Variants in RBFOX2 observed in about 807,000 individuals in gnomAD.
The protein encoded by RBFOX2 is RNA binding protein fox-1 homolog 2.
In RBFOX2, 10 loss-of-function variants were observed where a neutral mutation model predicts 49.1. That is an observed-to-expected ratio of 0.20 (90% CI 0.13 to 0.35). RBFOX2 has a LOEUF of 0.35. RBFOX2 is among the 10% of genes least tolerant of loss of function. RBFOX2 has a pLI of 1.00. For missense variants in RBFOX2, 323 were observed against 486.9 expected (o/e 0.66, Z 3.17); for synonymous variants, 183 against 187.4 (o/e 0.98, Z 0.19).
intron 1 of RBFOX2, among the ~76,000 whole-genome samples, chr22:35,834,370 T>C (rs1957291632): frequency 6.6e-6 from 1 of 152,244 alleles, no homozygotes; most frequent in Non-Finnish European, 1.5e-5. Flanking sequence ...TAGCTATTTT[T>C]ATTATGACTA....
At chr22:35,991,737 G>T (rs1241666724) in intron 1 of RBFOX2, among the ~76,000 whole-genome samples, 1 of 152,174 alleles carries the variant, frequency 6.6e-6, no homozygotes. Context: ...CTCTCTGAAT[G>T]AAGTTACTTA....
chr22:35,920,112 T>G (rs2050865222), intron 1 of RBFOX2, among the ~76,000 whole-genome samples: 1 of 152,248 alleles, frequency 6.6e-6, no homozygotes, highest in Non-Finnish European at 1.5e-5. Flanking sequence ...GAGTTTTAAC[T>G]AATTTGGTTC....
chr22:36,006,369 A>G (rs2058619383), intron 1 of RBFOX2, among the ~76,000 whole-genome samples: 1 of 152,248 alleles, frequency 6.6e-6, no homozygotes, highest in Non-Finnish European at 1.5e-5. Context: ...TTCTTGAAGG[A>G]TGCAGACAGA....
chr22:35,838,360 G>A (rs1958076137), intron 1 of RBFOX2, among the ~76,000 whole-genome samples: 1 of 151,334 alleles, frequency 6.6e-6, no homozygotes, highest in African/African-American at 2.4e-5. Flanking sequence ...AAATAGTCCA[G>A]AATGTCACAG....
intron 1 of RBFOX2, among the ~76,000 whole-genome samples, chr22:35,838,851 A>G (rs1958183533): frequency 6.6e-6 from 1 of 152,224 alleles, no homozygotes; most frequent in Non-Finnish European, 1.5e-5. Flanking sequence ...TACTTTGAAA[A>G]GATATATTTG....
At chr22:35,937,398 T>A (rs541431074) in intron 1 of RBFOX2, among the ~76,000 whole-genome samples, 1 of 152,270 alleles carries the variant, frequency 6.6e-6, no homozygotes, top group Admixed American at 6.5e-5. Flanking sequence ...AGTGATGAAC[T>A]CAGTAGGGGA....
At chr22:35,894,607 G>T (rs527329912) in intron 1 of RBFOX2, among the ~76,000 whole-genome samples, 2 of 152,128 alleles carry the variant, frequency 1.3e-5, no homozygotes, top group African/African-American at 4.8e-5. Context: ...TTGCGCCTAA[G>T]TCTGACAAGA....
intron 1 of RBFOX2, among the ~76,000 whole-genome samples, chr22:35,986,697 C>T (rs1033342349): frequency 1.3e-5 from 2 of 152,182 alleles, no homozygotes; most frequent in African/African-American, 2.4e-5. Context: ...GAAGTATCAG[C>T]CAGAATAGCT....
intron 2 of RBFOX2, among the ~76,000 whole-genome samples, chr22:35,805,454 G>C (rs1950568185): frequency 6.6e-6 from 1 of 152,102 alleles, no homozygotes; most frequent in Admixed American, 6.6e-5. Flanking sequence ...ATATCTATTA[G>C]AATGGCCAAA....
At chr22:35,925,935 G>A (rs1294332013) in intron 1 of RBFOX2, among the ~76,000 whole-genome samples, 1 of 152,166 alleles carries the variant, frequency 6.6e-6, no homozygotes, top group Non-Finnish European at 1.5e-5. Context: ...TGGTACCAAA[G>A]TTTCTAACAC....
upstream of RBFOX2, among the ~76,000 whole-genome samples, chr22:35,943,381 G>A (rs2053907659): frequency 1.3e-5 from 2 of 152,222 alleles, no homozygotes; most frequent in South Asian, 2.1e-4. Context: ...TTTTAGTAGC[G>A]ATATGTCTAT....
intron 1 of RBFOX2, among the ~76,000 whole-genome samples, chr22:35,935,567 C>T (rs2052963608): frequency 6.6e-6 from 1 of 152,156 alleles, no homozygotes; most frequent in African/African-American, 2.4e-5. Context: ...GCTGGTGGTA[C>T]ACTTGGTGCT....
chr22:35,769,827 TA>T (rs1183560702), intron 4 of RBFOX2, among the ~76,000 whole-genome samples: 10 of 152,200 alleles, frequency 6.6e-5, no homozygotes, highest in African/African-American at 2.4e-4. Context: ...AAGGATCTGA[TA>T]ACTCAGCATT....
intron 1 of RBFOX2, among the ~76,000 whole-genome samples, chr22:35,813,727 C>T (rs1952396842): frequency 1.3e-5 from 2 of 152,116 alleles, no homozygotes; most frequent in African/African-American, 4.8e-5. Context: ...AATCCCACAT[C>T]GTACATAATA....
chr22:35,801,718 G>A (rs540053575), intron 2 of RBFOX2, among the ~76,000 whole-genome samples: 7 of 152,042 alleles, frequency 4.6e-5, no homozygotes, highest in Admixed American at 2.6e-4. Context: ...CTAGCTACTC[G>A]GGAGGCTAAG....
intron 1 of RBFOX2, among the ~76,000 whole-genome samples, chr22:35,857,913 G>A (rs1003578500): frequency 3.3e-5 from 5 of 152,198 alleles, no homozygotes; most frequent in African/African-American, 4.8e-5. Flanking sequence ...TCTTTTCTTC[G>A]ATCTCACATC....
Position 35,980,273 on chromosome 22 carries a change from T to C in RBFOX2, c.187-41376A>G, listed in dbSNP as rs1015856880. On this transcript the variant is annotated intron_variant, in intron 1 of 13. Transcript: ENST00000438146. ...AATAGGAAAAAGAATGGGGGGAATC[T>C]ATATGAGTATATTTGGGGATCTCCA... 2.6e-5 allele frequency among the ~76,000 whole-genome samples: 4 copies of C among 152,318 alleles called. No individual in the cohort carries two copies. The South Asian group carries it at 8.3e-4, about 32-fold the overall frequency.
At chr22:36,003,499 C>A (rs2058506388) in intron 1 of RBFOX2, among the ~76,000 whole-genome samples, 1 of 152,184 alleles carries the variant, frequency 6.6e-6, no homozygotes, top group South Asian at 2.1e-4. Context: ...TCCAGCTACA[C>A]ATACCAAGCT....
At chr22:36,024,150 T>C (rs1174322622) in intron 1 of RBFOX2, among the ~76,000 whole-genome samples, 4 of 152,206 alleles carry the variant, frequency 2.6e-5, no homozygotes, top group Admixed American at 2.6e-4. Context: ...AATTTCACAA[T>C]TTTTCTTAAT....
Sources: allele counts gnomAD v4.1 joint callset (sites outside exome capture counted in the v4.1 genomes callset), GRCh38; gene constraint gnomAD v4.1.1; transcripts MANE v1.5; gene names NCBI Gene and HGNC (gene_info 2026-07-23, HGNC 2026-07-21).